MZT1: variants seen among roughly 807,000 people sequenced by gnomAD.
MZT1 encodes the protein mitotic-spindle organizing protein 1.
Under a neutral mutation model 8.5 loss-of-function variants are expected in MZT1, and 8 were observed. That is an observed-to-expected ratio of 0.94 (90% CI 0.55 to 1.70). The LOEUF is 1.70. MZT1 is among the 40% of genes most tolerant of loss of function. The probability of loss-of-function intolerance (pLI) is 0.00; values close to 1 mark genes in which losing one functional copy is unlikely to be tolerated. For synonymous variants in MZT1, 38 were observed against 42.0 expected, an observed-to-expected ratio of 0.90 and a Z score of 0.37; for missense variants, 93 against 108.6, an observed-to-expected ratio of 0.86 and a Z score of 0.64.
intron 1 of MZT1, among the ~76,000 whole-genome samples, chr13:72,727,242 G>C (rs2032679656): frequency 6.6e-6 from 1 of 152,192 alleles, no homozygotes; most frequent in South Asian, 2.1e-4. Context: ...CCTGGGATGC[G>C]GGATAGAGGG....
intron 2 of MZT1, among the ~76,000 whole-genome samples, chr13:72,716,082 A>G (rs2032532466): frequency 6.6e-6 from 1 of 151,864 alleles, no homozygotes; most frequent in Non-Finnish European, 1.5e-5. Flanking sequence ...ATGCCTGGCT[A>G]ATTTTTTTAT....
rs370419285 is a variant in MZT1, at chr13:72,727,613, G to A, written c.-11C>T. 46 of 1,584,166 alleles carry A rather than the reference G, an allele frequency of 2.9e-5. No homozygotes were observed. In the African/African-American group the frequency reaches 5.5e-4, roughly 19 times the overall value. ...GCTGCTACTCGCCATGGCTAAGGCC[G>A]AGGGAGGCGGGAGAAGGGCCTGACC... On this transcript the variant is annotated 5_prime_UTR_variant, in exon 1 of 3. Coordinates refer to ENST00000377818, the MANE Select transcript of MZT1 (RefSeq NM_001071775.3).
rs1217685191 is a variant in MZT1, at chr13:72,724,719, C to CATATAT, written c.79+2799_79+2804dup. 1.1e-3 allele frequency among the ~76,000 whole-genome samples: 30 copies of CATATAT among 27,790 alleles called. 2 individuals are homozygous for CATATAT. Among genetic ancestry groups the CATATAT allele is most frequent in the African/African-American group, 2.2e-3 (29 of 13,384 alleles). The allele number at this position is 27,790 out of a possible 152,430, so 18.2% of individuals were successfully genotyped here. The stretch of plus-strand genomic sequence containing the variant: ...ACTACTAAATATATATATATATATA[C>CATATAT]ATATATATATATATATATATACACA... On this transcript the variant is annotated intron_variant, in intron 1 of 2. Transcript: ENST00000377818.
intron 1 of MZT1, among the ~76,000 whole-genome samples, chr13:72,725,643 C>G (rs1012161827): frequency 6.6e-6 from 1 of 152,068 alleles, no homozygotes; most frequent in Non-Finnish European, 1.5e-5. Context: ...TGTTCTTACT[C>G]TCTTTATAAT....
intron 2 of MZT1, 23 bp downstream of exon 2, chr13:72,718,929 A>G: frequency 6.5e-7 from 1 of 1,546,012 alleles, no homozygotes; most frequent in Non-Finnish European, 8.7e-7. Flanking sequence ...TTTATTTAGA[A>G]TGAACTAATA....
intron 2 of MZT1, among the ~76,000 whole-genome samples, chr13:72,714,794 G>A (rs1057054340): frequency 1.3e-5 from 2 of 152,252 alleles, no homozygotes; most frequent in African/African-American, 4.8e-5. Flanking sequence ...AATGGCTGAG[G>A]CTTGGCAGCC....
At chr13:72,719,248 T>C in intron 1 of MZT1, 151 bp from the exon 2 acceptor site, 1 of 550,466 alleles carries the variant, frequency 1.8e-6, no homozygotes, top group Non-Finnish European at 2.8e-6. Flanking sequence ...AATACTTTCT[T>C]GCCTTTACTT....
chr13:72,725,087 C>A (rs1046359547), intron 1 of MZT1, among the ~76,000 whole-genome samples: 1 of 150,760 alleles, frequency 6.6e-6, no homozygotes, highest in Non-Finnish European at 1.5e-5. Flanking sequence ...GATAAAGCCT[C>A]TCATAAGGAA....
intron 2 of MZT1, among the ~76,000 whole-genome samples, chr13:72,717,380 C>T (rs910527898): frequency 6.7e-6 from 1 of 148,748 alleles, no homozygotes; most frequent in Non-Finnish European, 1.5e-5. Context: ...GCTCCTGTTG[C>T]CCAGGCTGGA....
Position 72,708,367 on chromosome 13 carries a change from T to C in MZT1, c.*1955A>G, listed in dbSNP as rs890168313. ...ATATTAAAACAAAAGTACAGGCCAA[T>C]ACCACCAAAATGGTTTTATTTTTGT... On this transcript the variant is annotated 3_prime_UTR_variant, in exon 3 of 3. Transcript: ENST00000377818. 4 of 152,012 alleles carry C rather than the reference T, an allele frequency of 2.6e-5. No individual in the cohort carries two copies. Among genetic ancestry groups the C allele is most frequent in the Non-Finnish European group, 4.4e-5 (3 of 67,900 alleles). The allele number at this position is 152,012 out of a possible 1,614,324, so 9.4% of individuals were successfully genotyped here.
At position 72,713,450 on chromosome 13, in the gene MZT1, T is replaced by C. The variant is rs568256255; in HGVS notation, c.226-3105A>G. Among the ~76,000 whole-genome samples the C allele has an allele frequency of 2.0e-4, 30 of 152,302 alleles. 1 individual carries two copies. The South Asian group carries it at 6.0e-3, about 31-fold the overall frequency. On this transcript the variant is annotated intron_variant, in intron 2 of 2. Coordinates refer to ENST00000377818, the MANE Select transcript of MZT1 (RefSeq NM_001071775.3). The stretch of plus-strand genomic sequence containing the variant: ...CTCAAATGCCTTATATAAAAGGGTA[T>C]AGTATTTGCATATAACCTACATGTA...
At position 72,724,752 on chromosome 13, in the gene MZT1, A is replaced by ATATATATATATATATATATGTGTGTGTG. The variant is rs1180726488; in HGVS notation, c.79+2771_79+2772insCACACACACATATATATATATATATATA. Among the ~76,000 whole-genome samples the ATATATATATATATATATATGTGTGTGTG allele has an allele frequency of 1.2e-4, 7 of 56,884 alleles. 1 individual carries two copies. Among genetic ancestry groups the ATATATATATATATATATATGTGTGTGTG allele is most frequent in the African/African-American group, 2.0e-4 (4 of 20,006 alleles). 37.3% of individuals were successfully genotyped at this position (56,884 alleles called of 152,430 possible). A position where few individuals can be genotyped will look rare whatever the true frequency, so the allele number is the denominator to read the frequency against. On this transcript the variant is annotated intron_variant, in intron 1 of 2. Coordinates refer to ENST00000377818, the MANE Select transcript of MZT1 (RefSeq NM_001071775.3). Reference sequence around the variant, plus strand: ...TATATATATATATACACATATATATATGTAAAGTGGTGCTACAGGCCGGGC... The same window carrying ATATATATATATATATATATGTGTGTGTG: ...TATATATATATATACACATATATATATATATATATATATATATATGTGTGTGTGTGTAAAGTGGTGCTACAGGCCGGGC...
intron 1 of MZT1, among the ~76,000 whole-genome samples, chr13:72,719,806 A>G (rs1250541972): frequency 2.0e-5 from 3 of 152,190 alleles, no homozygotes; most frequent in Non-Finnish European, 4.4e-5. Context: ...GATAGAACTC[A>G]TTGTCTTTAA....
intron 2 of MZT1, among the ~76,000 whole-genome samples, chr13:72,713,651 C>A (rs1220241087): frequency 2.0e-5 from 3 of 152,136 alleles, no homozygotes; most frequent in South Asian, 2.1e-4. Flanking sequence ...TATTTTTGAT[C>A]CACAGCTGGT....
chr13:72,726,933 C>T (rs1430231058), intron 1 of MZT1, among the ~76,000 whole-genome samples: 1 of 152,140 alleles, frequency 6.6e-6, no homozygotes, highest in African/African-American at 2.4e-5. Flanking sequence ...CGAAAACAGG[C>T]GACACCATAG....
chr13:72,724,719 C>G (rs7988716), intron 1 of MZT1, among the ~76,000 whole-genome samples: 2 of 27,794 alleles, frequency 7.2e-5, no homozygotes, highest in Non-Finnish European at 1.8e-4. Context: ...TATATATATA[C>G]ATATATATAT....
At position 72,710,191 on chromosome 13, in the gene MZT1, T is replaced by C. The variant is rs2032474704; in HGVS notation, c.*131A>G. 6.2e-6 allele frequency: 5 copies of C among 806,376 alleles called. No homozygotes were observed. In the South Asian group the frequency reaches 8.7e-5, roughly 14 times the overall value. 50.0% of individuals were successfully genotyped at this position (806,376 alleles called of 1,614,324 possible). On this transcript the variant is annotated 3_prime_UTR_variant, in exon 3 of 3. Coordinates refer to ENST00000377818, the MANE Select transcript of MZT1 (RefSeq NM_001071775.3). Reference sequence around the variant, plus strand: ...ACTGATTTATAAAGCTATGGTTTTATAATTCTTTTAAAAAGTAAAATTTTT... The same window carrying C: ...ACTGATTTATAAAGCTATGGTTTTACAATTCTTTTAAAAAGTAAAATTTTT...
At chr13:72,721,185 T>C (rs1319320199) in intron 1 of MZT1, among the ~76,000 whole-genome samples, 1 of 152,188 alleles carries the variant, frequency 6.6e-6, no homozygotes, top group Non-Finnish European at 1.5e-5. Flanking sequence ...AGCTTTATAA[T>C]GAGATACCGT....
intron 1 of MZT1, among the ~76,000 whole-genome samples, chr13:72,724,003 C>G (rs928984766): frequency 6.6e-5 from 10 of 151,964 alleles, no homozygotes; most frequent in African/African-American, 2.4e-4. Context: ...AATACAGAGG[C>G]AGGAGGAAGG....
Sources: allele counts gnomAD v4.1 joint callset (sites outside exome capture counted in the v4.1 genomes callset), GRCh38; gene constraint gnomAD v4.1.1; transcripts MANE v1.5; gene names NCBI Gene and HGNC (gene_info 2026-07-23, HGNC 2026-07-21).